RASAL2: variants seen among roughly 807,000 people sequenced by gnomAD.
RASAL2 encodes the protein RAS protein activator like 2.
RASAL2 carries 58 observed loss-of-function variants against 128.9 expected under a neutral mutation model. That is an observed-to-expected ratio of 0.45 (90% CI 0.36 to 0.56). The LOEUF is 0.56. Ranked by LOEUF, RASAL2 falls within the 20% of genes least tolerant of loss-of-function variation. The pLI is 0.00. For synonymous variants in RASAL2, 561 were observed against 580.8 expected (o/e 0.97, Z 0.49); for missense variants, 1,360 against 1,601.6 (o/e 0.85, Z 2.57).
At chr1:178,134,472 A>G (rs892924761) in intron 1 of RASAL2, among the ~76,000 whole-genome samples, 3 of 151,920 alleles carry the variant, frequency 2.0e-5, no homozygotes, top group Admixed American at 6.6e-5. Flanking sequence ...AAAAAAAAAA[A>G]AAAAAAAGAA....
At chr1:178,361,915 C>T (rs988177127) in intron 3 of RASAL2, among the ~76,000 whole-genome samples, 2 of 151,980 alleles carry the variant, frequency 1.3e-5, no homozygotes, top group Non-Finnish European at 2.9e-5. Context: ...ATTAGATTCT[C>T]ATAAGGAACA....
intron 3 of RASAL2, among the ~76,000 whole-genome samples, chr1:178,306,323 G>T (rs1667987598): frequency 6.6e-6 from 1 of 152,136 alleles, no homozygotes. Flanking sequence ...TTGGTTCCAA[G>T]TCTTTGCTAT....
intron 3 of RASAL2, among the ~76,000 whole-genome samples, chr1:178,344,913 T>C: frequency 6.6e-6 from 1 of 152,198 alleles, no homozygotes; most frequent in African/African-American, 2.4e-5. Context: ...ATTCCATCTA[T>C]CAAAATTCCA....
intron 1 of RASAL2, among the ~76,000 whole-genome samples, chr1:178,191,578 G>A (rs530552089): frequency 2.6e-5 from 4 of 152,082 alleles, no homozygotes; most frequent in African/African-American, 7.2e-5. Context: ...TTTCTCTGCC[G>A]TTTACACGTT....
At chr1:178,246,792 A>G (rs1664785829) in intron 1 of RASAL2, among the ~76,000 whole-genome samples, 2 of 151,742 alleles carry the variant, frequency 1.3e-5, no homozygotes, top group South Asian at 2.1e-4. Flanking sequence ...TTTGAATTTT[A>G]TCAAAAGCTT....
At chr1:178,236,876 G>C (rs1209568889) in intron 1 of RASAL2, among the ~76,000 whole-genome samples, 1 of 148,956 alleles carries the variant, frequency 6.7e-6, no homozygotes, top group Non-Finnish European at 1.5e-5. Context: ...TGGTTCTCCT[G>C]CCTCAGCCTC....
chr1:178,160,360 C>T (rs1182119505), intron 1 of RASAL2, among the ~76,000 whole-genome samples: 4 of 152,100 alleles, frequency 2.6e-5, no homozygotes, highest in East Asian at 1.9e-4. Context: ...TGTCGCTGGG[C>T]GCGGTGGCTC....
At chr1:178,184,037 T>A (rs947390165) in intron 1 of RASAL2, among the ~76,000 whole-genome samples, 4 of 152,210 alleles carry the variant, frequency 2.6e-5, no homozygotes, top group Non-Finnish European at 5.9e-5. Flanking sequence ...ACTGTTGCAT[T>A]CCCCTAATGA....
At chr1:178,186,016 G>A (rs56697204) in intron 1 of RASAL2, among the ~76,000 whole-genome samples, 3 of 151,848 alleles carry the variant, frequency 2.0e-5, no homozygotes, top group Non-Finnish European at 4.4e-5. Flanking sequence ...TCTGGACCTG[G>A]TACTTTGTTT....
intron 1 of RASAL2, among the ~76,000 whole-genome samples, chr1:178,107,619 C>T (rs2102236551): frequency 6.6e-6 from 1 of 152,216 alleles, no homozygotes; most frequent in South Asian, 2.1e-4. Context: ...TAAACAATGA[C>T]TCTCCCTTTC....
At position 178,457,717 on chromosome 1, in the gene RASAL2, A is replaced by G; in HGVS notation, c.2425A>G (p.Asn809Asp). ...LHKLKSPSQDNTDSYFRGKTL... is the reference protein window; with the variant it reads ...LHKLKSPSQDDTDSYFRGKTL... ...TAAACTAAAATCTCCAAGCCAGGAC[A>G]ACACAGACAGCTACTTCAGAGGGAA... The change falls in exon 14 of 18, where the codon AAC (asparagine) becomes GAC (aspartate). Residue 809 changes from asparagine (N) to aspartate (D), a missense_variant. Coordinates refer to ENST00000367649, the MANE Select transcript of RASAL2 (RefSeq NM_170692.4). 1.2e-6 allele frequency: 2 copies of G among 1,614,176 alleles called. No individual in the cohort carries two copies. Among genetic ancestry groups the G allele is most frequent in the Non-Finnish European group, 1.7e-6 (2 of 1,180,022 alleles).
At chr1:178,362,681 T>C (rs1047012136) in intron 3 of RASAL2, among the ~76,000 whole-genome samples, 1 of 152,110 alleles carries the variant, frequency 6.6e-6, no homozygotes, top group African/African-American at 2.4e-5. Context: ...TCTTTGTTGC[T>C]ATCTGTGTAT....
At chr1:178,182,038 C>A (rs1558100284) in intron 1 of RASAL2, among the ~76,000 whole-genome samples, 1 of 152,114 alleles carries the variant, frequency 6.6e-6, no homozygotes, top group Non-Finnish European at 1.5e-5. Context: ...GTGTTATATT[C>A]CACCTCCTTG....
chr1:178,415,444 T>C (rs1674691432), intron 4 of RASAL2, among the ~76,000 whole-genome samples: 1 of 152,124 alleles, frequency 6.6e-6, no homozygotes, highest in Non-Finnish European at 1.5e-5. Flanking sequence ...CATTGTATGA[T>C]CTCTATTCTT....
intron 1 of RASAL2, among the ~76,000 whole-genome samples, chr1:178,165,451 C>T (rs2101902007): frequency 6.6e-6 from 1 of 152,088 alleles, no homozygotes; most frequent in South Asian, 2.1e-4. Context: ...TTGAAGTATA[C>T]AAGAGGATGT....
intron 3 of RASAL2, among the ~76,000 whole-genome samples, chr1:178,335,458 C>T (rs1669539143): frequency 6.6e-6 from 1 of 152,148 alleles, no homozygotes; most frequent in South Asian, 2.1e-4. Flanking sequence ...TTGATTTCTT[C>T]CAAACAACAC....
intron 1 of RASAL2, among the ~76,000 whole-genome samples, chr1:178,257,421 A>ATGTGTG (rs1491588452): frequency 9.6e-5 from 11 of 114,578 alleles, no homozygotes; most frequent in African/African-American, 4.8e-4. Context: ...TGGCTCAGGG[A>ATGTGTG]TATGTGTGTG....
In RASAL2 at chr1:178,458,322, G is replaced by A; in HGVS notation, c.3030G>A (p.Gln1010=). 1 of 1,614,262 alleles carries A rather than the reference G, an allele frequency of 6.2e-7. No individual in the cohort carries two copies. Among genetic ancestry groups the A allele is most frequent in the Non-Finnish European group, 8.5e-7 (1 of 1,180,052 alleles). The change falls in exon 14 of 18, where the codon CAG becomes CAA. Residue 1010 remains glutamine, a synonymous_variant. Coordinates refer to ENST00000367649, the MANE Select transcript of RASAL2 (RefSeq NM_170692.4). ...GACAAAATAGTACTGGGCAGGCCCAGATCCGAAAAGTGGACCAGGGTGGGT... is the reference window on the plus strand; with the variant it reads ...GACAAAATAGTACTGGGCAGGCCCAAATCCGAAAAGTGGACCAGGGTGGGT... ...LPRQNSTGQA[Q]IRKVDQGGLG...
At chr1:178,406,817 T>C (rs1284965991) in intron 4 of RASAL2, among the ~76,000 whole-genome samples, 1 of 151,266 alleles carries the variant, frequency 6.6e-6, no homozygotes, top group East Asian at 1.9e-4. Flanking sequence ...ATATAATATG[T>C]ATTTTATATT....
Sources: gnomAD v4.1 joint callset for allele counts (sites outside exome capture counted in the v4.1 genomes callset) on GRCh38, gnomAD v4.1.1 for gene constraint, MANE v1.5 for transcripts, NCBI Gene and HGNC (gene_info 2026-07-23, HGNC 2026-07-21) for gene names.